MCUB: variants seen among roughly 807,000 people sequenced by gnomAD.
The protein encoded by MCUB is calcium uniporter regulatory subunit MCUb, mitochondrial.
Under a neutral mutation model 41.4 loss-of-function variants are expected in MCUB, and 46 were observed. The ratio of observed to expected loss-of-function variants is 1.11; its 90% CI spans 0.88 to 1.42. The LOEUF is 1.42. MCUB is among the 40% of genes most tolerant of loss of function. MCUB has a pLI of 0.00. For synonymous variants in MCUB, 148 were observed against 148.2 expected (o/e 1.00, Z 0.01); for missense variants, 403 against 404.9 (o/e 1.00, Z 0.04).
rs1031789196 is a variant in MCUB, at chr4:109,560,376, G to A, written c.39G>A (p.Leu13=). 7 of 1,329,460 alleles carry A rather than the reference G, an allele frequency of 5.3e-6. 1 individual carries two copies. The highest frequency in any genetic ancestry group is 2.0e-5 in the South Asian group (1 of 49,112). The allele number at this position is 1,329,460 out of a possible 1,614,324, so 82.4% of individuals were successfully genotyped here. ...QRGLWPWRTR[L]LPTPGTWRPA... is the part of the protein sequence containing the mutation. ...GCCTCTGGCCGTGGCGCACGCGGCTGCTGCCGACCCCTGGCACCTGGCGCC... is the reference window on the plus strand; with the variant it reads ...GCCTCTGGCCGTGGCGCACGCGGCTACTGCCGACCCCTGGCACCTGGCGCC... Residue 13 remains leucine, a synonymous_variant, in exon 1 of 8, where the codon CTG becomes CTA. Transcript: ENST00000394650.
Position 109,639,572 on chromosome 4 carries a change from A to T in MCUB, c.100-19439A>T, listed in dbSNP as rs569870193. On this transcript the variant is annotated intron_variant, in intron 1 of 7. Transcript: ENST00000394650. ...GCATGATGGCAGGTGCCTGTAATCC[A>T]GCTACTCAGGAGGCTGAGGCAGGAG... Among the ~76,000 whole-genome samples the T allele has an allele frequency of 3.9e-5, 6 of 152,296 alleles. No homozygotes were observed. The East Asian group carries it at 5.8e-4, about 15-fold the overall frequency.
intron 1 of MCUB, among the ~76,000 whole-genome samples, chr4:109,595,568 A>G (rs1329424204): frequency 6.6e-6 from 1 of 152,270 alleles, no homozygotes; most frequent in Admixed American, 6.5e-5. Context: ...TTTAAATTAA[A>G]TAAAATAAAA....
intron 4 of MCUB, among the ~76,000 whole-genome samples, chr4:109,665,151 G>A (rs1413580410): frequency 2.0e-5 from 3 of 152,074 alleles, no homozygotes; most frequent in Non-Finnish European, 4.4e-5. Context: ...TTTACTCTTG[G>A]TGTTGTATAT....
intron 4 of MCUB, among the ~76,000 whole-genome samples, chr4:109,675,622 A>G (rs1729558588): frequency 6.6e-6 from 1 of 152,192 alleles, no homozygotes; most frequent in Non-Finnish European, 1.5e-5. Flanking sequence ...TACTTTGAGT[A>G]TGTTTCCCAA....
chr4:109,564,115 A>G (rs1726714510), intron 1 of MCUB, among the ~76,000 whole-genome samples: 1 of 152,084 alleles, frequency 6.6e-6, no homozygotes, highest in East Asian at 1.9e-4. Context: ...ATTTCTGCTT[A>G]TAGGCTATAT....
chr4:109,596,758 C>A (rs1166841527), intron 1 of MCUB, among the ~76,000 whole-genome samples: 3 of 145,324 alleles, frequency 2.1e-5, no homozygotes, highest in Non-Finnish European at 4.5e-5. Flanking sequence ...TTTTATTGAT[C>A]ATTCTTGGGT....
intron 1 of MCUB, among the ~76,000 whole-genome samples, chr4:109,591,938 G>A (rs1727445741): frequency 6.6e-6 from 1 of 151,986 alleles, no homozygotes; most frequent in South Asian, 2.1e-4. Flanking sequence ...GACCTCAGGT[G>A]ATCCACCTGC....
At position 109,688,653 on chromosome 4, in the gene MCUB, A is replaced by G. The variant is rs549177275; in HGVS notation, c.*1061A>G. On this transcript the variant is annotated 3_prime_UTR_variant, in exon 8 of 8. Transcript: ENST00000394650. ...TGAATTTCGAATATTTTATTAAGGGATGATTTAATTCCTGGATTTCAAAAA... is the reference window on the plus strand; with the variant it reads ...TGAATTTCGAATATTTTATTAAGGGGTGATTTAATTCCTGGATTTCAAAAA... 6.6e-6 allele frequency: 1 copy of G among 152,344 alleles called. No homozygotes were observed. Among genetic ancestry groups the G allele is most frequent in the East Asian group, 1.9e-4 (1 of 5,192 alleles). 9.4% of individuals were successfully genotyped at this position (152,344 alleles called of 1,614,324 possible). A position where few individuals can be genotyped will look rare whatever the true frequency, so the allele number is the denominator to read the frequency against.
At chr4:109,631,585 G>C (rs1171006058) in intron 1 of MCUB, among the ~76,000 whole-genome samples, 7 of 152,202 alleles carry the variant, frequency 4.6e-5, no homozygotes, top group Admixed American at 3.9e-4. Flanking sequence ...AAAAGAGGAA[G>C]TATAGTTTCA....
chr4:109,620,821 A>G (rs1728235189), intron 1 of MCUB, among the ~76,000 whole-genome samples: 1 of 151,982 alleles, frequency 6.6e-6, no homozygotes, highest in Non-Finnish European at 1.5e-5. Flanking sequence ...CTTTATCCCT[A>G]CTTTTACAGG....
chr4:109,631,335 CTG>C (rs1452043790), intron 1 of MCUB, among the ~76,000 whole-genome samples: 1 of 152,166 alleles, frequency 6.6e-6, no homozygotes, highest in African/African-American at 2.4e-5. Flanking sequence ...CTCTAGGAAT[CTG>C]TTTTTCTTTT....
intron 1 of MCUB, among the ~76,000 whole-genome samples, chr4:109,592,589 G>A (rs1369045455): frequency 6.6e-6 from 1 of 152,058 alleles, no homozygotes; most frequent in African/African-American, 2.4e-5. Flanking sequence ...GGAGGAACCT[G>A]TCAGCCATTA....
At chr4:109,648,722 AG>A (rs1561240210) in intron 1 of MCUB, 9 of 261,954 alleles carry the variant, frequency 3.4e-5, no homozygotes, top group African/African-American at 1.1e-4. Flanking sequence ...GGTACAGAGA[AG>A]CAAAAAAAAA....
chr4:109,641,489 C>T (rs960863541), intron 1 of MCUB, among the ~76,000 whole-genome samples: 3 of 152,058 alleles, frequency 2.0e-5, no homozygotes, highest in African/African-American at 4.8e-5. Flanking sequence ...ATAGTAACAT[C>T]AAAGATCACA....
intron 4 of MCUB, among the ~76,000 whole-genome samples, chr4:109,679,295 G>A (rs1472004751): frequency 6.6e-6 from 1 of 152,262 alleles, no homozygotes; most frequent in Non-Finnish European, 1.5e-5. Flanking sequence ...GCCAAGGCAG[G>A]CGGCTGGGAG....
rs894781187 is a variant in MCUB, at chr4:109,688,489, A to AAAGT, written c.*899_*902dup. 4.6e-4 allele frequency: 70 copies of AAAGT among 152,324 alleles called. No homozygotes were observed. Among genetic ancestry groups the AAAGT allele is most frequent in the African/African-American group, 1.7e-3 (69 of 41,568 alleles). The allele number at this position is 152,324 out of a possible 1,614,324, so 9.4% of individuals were successfully genotyped here. On this transcript the variant is annotated 3_prime_UTR_variant, in exon 8 of 8. Coordinates refer to ENST00000394650, the MANE Select transcript of MCUB (RefSeq NM_017918.5). ...CAATTCTGGAATGCTGATTTTTTTT[A>AAAGT]AAGTAGGAATTAAAGTCATACACAA...
At chr4:109,645,630 A>C (rs2126141364) in intron 1 of MCUB, among the ~76,000 whole-genome samples, 1 of 152,014 alleles carries the variant, frequency 6.6e-6, no homozygotes, top group South Asian at 2.1e-4. Flanking sequence ...AACCCATCAC[A>C]GTTTCTTGAA....
intron 5 of MCUB, 136 bp downstream of exon 5, chr4:109,682,878 C>T (rs1417279098): frequency 1.6e-6 from 1 of 617,294 alleles, no homozygotes; most frequent in Non-Finnish European, 2.8e-6. Flanking sequence ...CCTGTAAGTT[C>T]AGTGCTTTTA....
At chr4:109,630,009 G>A (rs1728439403) in intron 1 of MCUB, among the ~76,000 whole-genome samples, 2 of 152,132 alleles carry the variant, frequency 1.3e-5, no homozygotes, top group African/African-American at 4.8e-5. Flanking sequence ...CTAGGAGCTG[G>A]CAGCTATCGG....
Sources: allele counts gnomAD v4.1 joint callset (sites outside exome capture counted in the v4.1 genomes callset), GRCh38; gene constraint gnomAD v4.1.1; transcripts MANE v1.5; gene names NCBI Gene and HGNC (gene_info 2026-07-23, HGNC 2026-07-21).